Variants in SRPK2 observed in about 807,000 individuals in gnomAD.
SRPK2 encodes SRSF protein kinase 2, also known as SFRS protein kinase 2.
SRPK2 carries 21 observed loss-of-function variants against 90.8 expected under a neutral mutation model. The ratio of observed to expected loss-of-function variants is 0.23; its 90% confidence interval spans 0.16 to 0.33. SRPK2 has a LOEUF of 0.33. Among genes scored for constraint, SRPK2 ranks in the 10% least tolerant of loss-of-function variants. SRPK2 has a pLI of 1.00. For synonymous variants in SRPK2, 288 were observed against 311.1 expected, an observed-to-expected ratio of 0.93 and a Z score of 0.78; for missense variants, 620 against 869.0, an observed-to-expected ratio of 0.71 and a Z score of 3.60.
chr7:105,205,736 T>C (rs1191155258), intron 2 of SRPK2, among the ~76,000 whole-genome samples: 1 of 152,086 alleles, frequency 6.6e-6, no homozygotes, highest in Non-Finnish European at 1.5e-5. Context: ...AGTAAGGAAC[T>C]TCAGTAGTTT....
chr7:105,127,326 C>T (rs1409185397), intron 13 of SRPK2, among the ~76,000 whole-genome samples: 3 of 152,180 alleles, frequency 2.0e-5, no homozygotes, highest in Admixed American at 6.5e-5. Flanking sequence ...GTGAGTCAGC[C>T]GCACCTGCAT....
intron 3 of SRPK2, among the ~76,000 whole-genome samples, chr7:105,190,320 A>G (rs142925336): frequency 1.3e-5 from 2 of 152,326 alleles, no homozygotes; most frequent in African/African-American, 4.8e-5. Context: ...GTCATTCAGA[A>G]TAACACCACG....
intron 2 of SRPK2, among the ~76,000 whole-genome samples, chr7:105,216,373 G>C (rs1362994703): frequency 6.6e-6 from 1 of 152,134 alleles, no homozygotes; most frequent in South Asian, 2.1e-4. Context: ...AAGGAACTCA[G>C]TGACTGGTGA....
chr7:105,224,438 C>T (rs1172934167), intron 2 of SRPK2, among the ~76,000 whole-genome samples: 1 of 151,834 alleles, frequency 6.6e-6, no homozygotes, highest in African/African-American at 2.4e-5. Flanking sequence ...GGTGAAACTC[C>T]GTCTCTACTA....
chr7:105,347,222 C>G (rs940531917), intron 2 of SRPK2, among the ~76,000 whole-genome samples: 1 of 151,924 alleles, frequency 6.6e-6, no homozygotes, highest in African/African-American at 2.4e-5. Flanking sequence ...TGCCACCGCG[C>G]CCGGCTAATT....
chr7:105,369,125 T>TTTA (rs10593124), intron 2 of SRPK2, among the ~76,000 whole-genome samples: 8,370 of 143,178 alleles, frequency 0.058, 420 homozygotes, highest in East Asian at 0.27. Context: ...CAAGATTTAT[T>TTTA]TTATTATTAT....
chr7:105,301,852 C>G, intron 2 of SRPK2: 1 of 1,567,758 alleles, frequency 6.4e-7, no homozygotes, highest in Non-Finnish European at 8.8e-7. Context: ...AAGAGCAGTT[C>G]ATGGAGAATC....
At chr7:105,293,501 C>A (rs563376483) in intron 2 of SRPK2, among the ~76,000 whole-genome samples, 9 of 152,010 alleles carry the variant, frequency 5.9e-5, no homozygotes, top group Admixed American at 3.9e-4. Context: ...CTCCACCCCC[C>A]ACCCCGCCCC....
intron 3 of SRPK2, among the ~76,000 whole-genome samples, chr7:105,174,946 C>A (rs941909540): frequency 2.0e-5 from 3 of 152,150 alleles, no homozygotes; most frequent in Admixed American, 6.5e-5. Context: ...GAATTCAAGA[C>A]CAGCCTGGCT....
chr7:105,162,350 A>AT (rs1038087963), intron 6 of SRPK2, among the ~76,000 whole-genome samples: 7 of 151,600 alleles, frequency 4.6e-5, no homozygotes, highest in African/African-American at 1.2e-4. Context: ...CCCCAACTTA[A>AT]TTTTTTTTTA....
At chr7:105,265,436 T>C (rs1239762761) in intron 2 of SRPK2, among the ~76,000 whole-genome samples, 1 of 152,090 alleles carries the variant, frequency 6.6e-6, no homozygotes, top group African/African-American at 2.4e-5. Context: ...ATCTGTGGAT[T>C]TTGATATCTA....
Position 105,358,506 on chromosome 7 carries a change from C to T in SRPK2, c.71+30142G>A, listed in dbSNP as rs532537798. On this transcript the variant is annotated intron_variant, in intron 2 of 15. Coordinates refer to ENST00000393651, the MANE Select transcript of SRPK2 (RefSeq NM_182692.3). ...TTCAAAACCAGCCTGGACAACATGA[C>T]GAAACTCAGTCTCTATTAAAAACAC... Among the ~76,000 whole-genome samples, 20 of 151,920 alleles carry T rather than the reference C, an allele frequency of 1.3e-4. No homozygotes were observed. In the South Asian group the frequency reaches 4.0e-3, roughly 30 times the overall value.
intron 2 of SRPK2, among the ~76,000 whole-genome samples, chr7:105,315,153 T>C (rs551529989): frequency 3.9e-5 from 6 of 152,286 alleles, no homozygotes; most frequent in African/African-American, 1.4e-4. Flanking sequence ...CTAGAATGAT[T>C]CACACCAAAA....
chr7:105,332,534 T>C (rs1038572756), intron 2 of SRPK2, among the ~76,000 whole-genome samples: 5 of 152,054 alleles, frequency 3.3e-5, no homozygotes, highest in Non-Finnish European at 4.4e-5. Context: ...GAGGTCAAGG[T>C]GGTTGGATCA....
At chr7:105,361,823 T>C (rs1457784955) in intron 2 of SRPK2, among the ~76,000 whole-genome samples, 2 of 152,096 alleles carry the variant, frequency 1.3e-5, no homozygotes, top group African/African-American at 4.8e-5. Flanking sequence ...CAAAAATTAA[T>C]TCAAGATGGA....
intron 2 of SRPK2, among the ~76,000 whole-genome samples, chr7:105,217,695 T>A (rs1341901264): frequency 2.6e-5 from 4 of 152,228 alleles, no homozygotes; most frequent in African/African-American, 9.6e-5. Context: ...CTTATTTACT[T>A]GTTCAAGAAA....
At chr7:105,132,946 A>G (rs1293670302) in intron 12 of SRPK2, 48 bp from the exon 13 acceptor site, 4 of 1,612,464 alleles carry the variant, frequency 2.5e-6, no homozygotes, top group African/African-American at 1.3e-5. Context: ...AGACATTCAA[A>G]AAGTGTCTTC....
chr7:105,282,163 A>G (rs890227217), intron 2 of SRPK2, among the ~76,000 whole-genome samples: 2 of 152,112 alleles, frequency 1.3e-5, no homozygotes, highest in African/African-American at 4.8e-5. Context: ...CCAGAAATAA[A>G]CCCTCACATT....
chr7:105,347,192 T>C (rs1452558437), intron 2 of SRPK2, among the ~76,000 whole-genome samples: 1 of 151,690 alleles, frequency 6.6e-6, no homozygotes. Flanking sequence ...GCCTTCTAAG[T>C]AGCTGGGACT....
Sources: allele counts gnomAD v4.1 joint callset (sites outside exome capture counted in the v4.1 genomes callset), GRCh38; gene constraint gnomAD v4.1.1; transcripts MANE v1.5; gene names NCBI Gene and HGNC (gene_info 2026-07-23, HGNC 2026-07-21).